CDH13: variants seen among roughly 807,000 people sequenced by gnomAD.
CDH13 encodes cadherin-13.
In CDH13, 24 loss-of-function variants were observed where a neutral mutation model predicts 63.8. The observed-to-expected ratio is 0.38, with a 90% confidence interval of 0.27 to 0.53. The LOEUF (loss-of-function observed/expected upper bound fraction) is 0.53, where lower values mean the gene tolerates loss of function less well. CDH13 is among the 20% of genes least tolerant of loss of function. The pLI, the probability that CDH13 is intolerant of heterozygous loss-of-function variation, is 0.85. For synonymous variants in CDH13, 503 were observed against 355.3 expected (o/e 1.42, Z -4.67); for missense variants, 1,049 against 903.1 (o/e 1.16, Z -2.07).
intron 5 of CDH13, among the ~76,000 whole-genome samples, chr16:83,267,254 G>A (rs1407745264): frequency 6.6e-6 from 1 of 152,076 alleles, no homozygotes; most frequent in Non-Finnish European, 1.5e-5. Context: ...GAAGCTCCAG[G>A]GATGGTTAAT....
intron 2 of CDH13, among the ~76,000 whole-genome samples, chr16:83,014,854 T>TTG (rs1206846542): frequency 1.7e-5 from 2 of 118,096 alleles, no homozygotes; most frequent in Non-Finnish European, 3.5e-5. Flanking sequence ...ATATATATAT[T>TTG]TGTATATATA....
chr16:82,752,345 C>T (rs1255968626), intron 1 of CDH13, among the ~76,000 whole-genome samples: 4 of 152,142 alleles, frequency 2.6e-5, no homozygotes, highest in Admixed American at 6.5e-5. Context: ...GGAATCTTTC[C>T]CTGGTTCAGC....
intron 2 of CDH13, among the ~76,000 whole-genome samples, chr16:82,974,130 G>A (rs1020363382): frequency 6.6e-6 from 1 of 152,114 alleles, no homozygotes; most frequent in Non-Finnish European, 1.5e-5. Flanking sequence ...GTAGAGACAG[G>A]GTTTCAGCAC....
At chr16:83,226,229 AGCT>A (rs1267085431) in intron 5 of CDH13, among the ~76,000 whole-genome samples, 1 of 152,194 alleles carries the variant, frequency 6.6e-6, no homozygotes. Context: ...TGTCAGGTGC[AGCT>A]GGCGAAACTG....
intron 2 of CDH13, among the ~76,000 whole-genome samples, chr16:83,014,804 G>GTATATA (rs1234603835): frequency 1.5e-4 from 8 of 52,716 alleles, no homozygotes; most frequent in African/African-American, 5.1e-4. Context: ...ATATATATAT[G>GTATATA]TATATATATT....
chr16:83,327,139 T>A (rs1009998901), intron 5 of CDH13, among the ~76,000 whole-genome samples: 4 of 152,238 alleles, frequency 2.6e-5, no homozygotes, highest in African/African-American at 7.2e-5. Flanking sequence ...GAGCTAGAAT[T>A]TGTATTAAGT....
intron 10 of CDH13, chr16:83,735,655 C>G (rs1252075865): frequency 6.6e-6 from 1 of 152,170 alleles, no homozygotes. Flanking sequence ...TTCTTATACT[C>G]TGAGTATCCT....
At chr16:83,165,420 C>G (rs953371284) in intron 4 of CDH13, among the ~76,000 whole-genome samples, 3 of 152,114 alleles carry the variant, frequency 2.0e-5, no homozygotes, top group African/African-American at 4.8e-5. Flanking sequence ...TTGCTTTTGA[C>G]CACAGCACCC....
At chr16:83,735,851 T>C (rs1164905774) in intron 10 of CDH13, 1 of 152,190 alleles carries the variant, frequency 6.6e-6, no homozygotes, top group Non-Finnish European at 1.5e-5. Flanking sequence ...ATTCAGGATG[T>C]TGTAAATGGA....
At chr16:82,796,016 C>G (rs1266943153) in intron 1 of CDH13, among the ~76,000 whole-genome samples, 1 of 150,964 alleles carries the variant, frequency 6.6e-6, no homozygotes, top group Non-Finnish European at 1.5e-5. Context: ...GCTTTTGGGC[C>G]TGGGATACAA....
At chr16:83,753,457 A>G (rs1283773407) in intron 11 of CDH13, among the ~76,000 whole-genome samples, 1 of 152,180 alleles carries the variant, frequency 6.6e-6, no homozygotes, top group Non-Finnish European at 1.5e-5. Context: ...AGGAAGGAGG[A>G]TCACCTGAAC....
intron 5 of CDH13, among the ~76,000 whole-genome samples, chr16:83,325,160 C>T (rs1314634603): frequency 6.6e-6 from 1 of 152,180 alleles, no homozygotes; most frequent in Non-Finnish European, 1.5e-5. Context: ...CTTCTTTAAT[C>T]CCACTAAATC....
chr16:82,835,049 G>C (rs1242469619), intron 1 of CDH13, among the ~76,000 whole-genome samples: 1 of 152,186 alleles, frequency 6.6e-6, no homozygotes, highest in Non-Finnish European at 1.5e-5. Context: ...GAAGTAAAAA[G>C]AAACAGGTGA....
intron 1 of CDH13, among the ~76,000 whole-genome samples, chr16:82,642,409 C>A (rs1909525500): frequency 6.6e-6 from 1 of 152,138 alleles, no homozygotes; most frequent in South Asian, 2.1e-4. Context: ...ATAATGCACG[C>A]AGTAATGTAC....
At chr16:83,274,377 C>T (rs2088918477) in intron 5 of CDH13, among the ~76,000 whole-genome samples, 1 of 152,252 alleles carries the variant, frequency 6.6e-6, no homozygotes, top group South Asian at 2.1e-4. Context: ...TAATGTTCTT[C>T]CTGCCACTCA....
intron 2 of CDH13, among the ~76,000 whole-genome samples, chr16:82,999,635 A>G (rs952808849): frequency 3.9e-5 from 6 of 152,216 alleles, no homozygotes; most frequent in African/African-American, 1.4e-4. Flanking sequence ...ATCATTGGCT[A>G]CATAAAATTT....
intron 2 of CDH13, among the ~76,000 whole-genome samples, chr16:82,995,867 G>T (rs1197174151): frequency 6.6e-6 from 1 of 152,226 alleles, no homozygotes; most frequent in Non-Finnish European, 1.5e-5. Context: ...CTGGGGAATC[G>T]ATATCGTTTA....
chr16:83,161,746 C>T (rs1395886950), intron 4 of CDH13, among the ~76,000 whole-genome samples: 2 of 152,160 alleles, frequency 1.3e-5, no homozygotes, highest in East Asian at 1.9e-4. Context: ...CTCTGTCACT[C>T]TCCTGATATA....
intron 7 of CDH13, among the ~76,000 whole-genome samples, chr16:83,558,055 A>C (rs577445674): frequency 2.6e-5 from 4 of 152,324 alleles, no homozygotes; most frequent in Non-Finnish European, 2.9e-5. Context: ...AAGGGCACCC[A>C]GCAATGCTCA....
Sources: allele counts gnomAD v4.1 joint callset (sites outside exome capture counted in the v4.1 genomes callset), GRCh38; gene constraint gnomAD v4.1.1; transcripts MANE v1.5; gene names NCBI Gene and HGNC (gene_info 2026-07-23, HGNC 2026-07-21).